The following SATB2 variants were observed in gnomAD, a reference collection of about 807,000 sequenced individuals.
SATB2 encodes SATB homeobox 2, also known as DNA-binding protein SATB2.
A neutral mutation model predicts 73.4 loss-of-function variants in SATB2; 1 was observed. The observed-to-expected ratio is 0.01, with a 90% confidence interval of 0.00 to 0.06. The LOEUF (loss-of-function observed/expected upper bound fraction) is 0.06. Among genes scored for constraint, SATB2 ranks in the 10% least tolerant of loss-of-function variants. SATB2 has a pLI of 1.00. For synonymous variants in SATB2, 397 were observed against 367.0 expected (o/e 1.08, Z -0.93); for missense variants, 459 against 945.8 (o/e 0.49, Z 6.75).
chr2:199,429,748 A>G (rs945660553), intron 3 of SATB2, among the ~76,000 whole-genome samples: 1 of 152,070 alleles, frequency 6.6e-6, no homozygotes, highest in African/African-American at 2.4e-5. Context: ...CATCTTTACT[A>G]AAAATACAAA....
chr2:199,458,608 G>A (rs745923397), upstream of SATB2: 24 of 433,944 alleles, frequency 5.5e-5, no homozygotes, highest in Admixed American at 9.8e-5. Flanking sequence ...GGAGGCGGCG[G>A]CGACAAGGCA....
chr2:199,366,468 G>A (rs959693475), intron 6 of SATB2, among the ~76,000 whole-genome samples: 1 of 151,914 alleles, frequency 6.6e-6, no homozygotes, highest in Non-Finnish European at 1.5e-5. Flanking sequence ...TTAATAAAAC[G>A]CACTTCTCTG....
intron 7 of SATB2, among the ~76,000 whole-genome samples, chr2:199,340,357 T>G (rs1444105618): frequency 6.6e-6 from 1 of 152,214 alleles, no homozygotes; most frequent in Non-Finnish European, 1.5e-5. Flanking sequence ...ATGCACAGCT[T>G]TCCCAAGCAA....
upstream of SATB2, among the ~76,000 whole-genome samples, chr2:199,461,977 T>A (rs76716875): frequency 6.6e-6 from 1 of 152,274 alleles, no homozygotes; most frequent in Non-Finnish European, 1.5e-5. Context: ...CCTGGGCGCC[T>A]GGGTGGAGGG....
At chr2:199,440,470 T>G (rs1443231448) in intron 2 of SATB2, among the ~76,000 whole-genome samples, 1 of 152,218 alleles carries the variant, frequency 6.6e-6, no homozygotes, top group African/African-American at 2.4e-5. Context: ...ATATTTTATT[T>G]CAAATAAATT....
chr2:199,290,616 T>C (rs779406990), intron 10 of SATB2, among the ~76,000 whole-genome samples: 4 of 152,220 alleles, frequency 2.6e-5, no homozygotes, highest in Non-Finnish European at 4.4e-5. Flanking sequence ...ACACTTTGTA[T>C]ACAGGTTAAT....
intron 10 of SATB2, among the ~76,000 whole-genome samples, chr2:199,288,155 GT>G (rs1692741408): frequency 6.6e-6 from 1 of 152,272 alleles, no homozygotes; most frequent in Non-Finnish European, 1.5e-5. Flanking sequence ...TTATGGGGAA[GT>G]TTCTCTCCCA....
At chr2:199,427,585 T>C (rs1691374193) in intron 3 of SATB2, among the ~76,000 whole-genome samples, 1 of 152,122 alleles carries the variant, frequency 6.6e-6, no homozygotes, top group Non-Finnish European at 1.5e-5. Context: ...ATCTAAGATA[T>C]ACTTTGAAAT....
At chr2:199,369,497 T>C (rs1689381225) in intron 5 of SATB2, among the ~76,000 whole-genome samples, 1 of 152,138 alleles carries the variant, frequency 6.6e-6, no homozygotes, top group Non-Finnish European at 1.5e-5. Flanking sequence ...TACAGTATGT[T>C]TGGGCCAACA....
At chr2:199,394,977 T>C (rs1690255149) in intron 3 of SATB2, among the ~76,000 whole-genome samples, 1 of 152,198 alleles carries the variant, frequency 6.6e-6, no homozygotes, top group South Asian at 2.1e-4. Context: ...CATTTCATGT[T>C]GTTTTATTTT....
chr2:199,459,089 C>A (rs1692396960), upstream of SATB2, among the ~76,000 whole-genome samples: 1 of 152,072 alleles, frequency 6.6e-6, no homozygotes, highest in African/African-American at 2.4e-5. This position sits in a 1 kb window ranked among gnomAD's most constrained non-coding sequence, Gnocchi z 4.2. Context: ...GCGGTGCAAA[C>A]CGGGCCGCCT....
At chr2:199,297,191 G>A (rs934374231) in intron 10 of SATB2, among the ~76,000 whole-genome samples, 1 of 152,168 alleles carries the variant, frequency 6.6e-6, no homozygotes, top group Non-Finnish European at 1.5e-5. Flanking sequence ...GCCATGACTT[G>A]TTACGTATTT....
Position 199,464,284 on chromosome 2 carries a change from A to C in SATB2, c.-141+552T>G, listed in dbSNP as rs1692545988. ...GCCCTACAGCCAAGCCCAGAGGAACAGGGCATCGCCTCGCGCGGTCCCGGA... is the reference window on the plus strand; with the variant it reads ...GCCCTACAGCCAAGCCCAGAGGAACCGGGCATCGCCTCGCGCGGTCCCGGA... On this transcript the variant is annotated intron_variant, in intron 1 of 11. Transcript: ENST00000260926. The surrounding 1 kb of genome is among the most constrained non-coding windows in gnomAD (Gnocchi z 6.6). Among the ~76,000 whole-genome samples, 5 of 152,072 alleles carry C rather than the reference A, an allele frequency of 3.3e-5. No homozygotes were observed. Among genetic ancestry groups the C allele is most frequent in the Admixed American group, 2.6e-4 (4 of 15,276 alleles).
chr2:199,421,324 GAAAC>G (rs1465022864), intron 3 of SATB2, among the ~76,000 whole-genome samples: 4 of 152,090 alleles, frequency 2.6e-5, no homozygotes, highest in Admixed American at 1.3e-4. Flanking sequence ...AGGTCCCATA[GAAAC>G]AAACAAACAA....
intron 7 of SATB2, among the ~76,000 whole-genome samples, chr2:199,342,224 T>C (rs1688526983): frequency 6.6e-6 from 1 of 152,094 alleles, no homozygotes; most frequent in African/African-American, 2.4e-5. Flanking sequence ...TGCCTGAGGC[T>C]CCTCCAGTGT....
chr2:199,371,655 G>T (rs926226388), intron 5 of SATB2, among the ~76,000 whole-genome samples: 2 of 152,064 alleles, frequency 1.3e-5, no homozygotes, highest in Non-Finnish European at 2.9e-5. Context: ...ATATAATTTT[G>T]CAGTTTATGT....
chr2:199,370,049 C>T lies in SATB2; in HGVS notation c.598-1342G>A, dbSNP rs138998492. On this transcript the variant is annotated intron_variant, in intron 5 of 10. Coordinates refer to ENST00000417098, the MANE Select transcript of SATB2 (RefSeq NM_001172509.2). ...GAGCTAATATCATCGGAGTGTATCA[C>T]AGAACCTATGAGGCCTTGTCTCCTG... Among the ~76,000 whole-genome samples the T allele has an allele frequency of 1.1e-3, 169 of 152,262 alleles. 1 individual carries two copies. The highest frequency in any genetic ancestry group is 3.7e-3 in the African/African-American group (152 of 41,540).
intron 3 of SATB2, among the ~76,000 whole-genome samples, chr2:199,389,955 G>C (rs1431441652): frequency 6.6e-6 from 1 of 151,496 alleles, no homozygotes; most frequent in Admixed American, 6.6e-5. Flanking sequence ...TTACAATTTT[G>C]CGGCATAAAG....
At position 199,271,512 on chromosome 2, in the gene SATB2, A is replaced by G. The variant is rs1574457895; in HGVS notation, c.*699T>C. On this transcript the variant is annotated 3_prime_UTR_variant, in exon 11 of 11. Coordinates refer to ENST00000417098, the MANE Select transcript of SATB2 (RefSeq NM_001172509.2). ...CAGTGTCGTTTATTTTGTTAAATAC[A>G]TACCTCAAAAATTACCCATTAAGCT... The G allele has an allele frequency of 6.6e-6, 1 of 151,304 alleles. No individual in the cohort carries two copies. The highest frequency in any genetic ancestry group is 1.9e-4 in the East Asian group (1 of 5,260). 9.4% of individuals were successfully genotyped at this position (151,304 alleles called of 1,614,324 possible). A position where few individuals can be genotyped will look rare whatever the true frequency, so the allele number is the denominator to read the frequency against.
Sources: allele counts gnomAD v4.1 joint callset (sites outside exome capture counted in the v4.1 genomes callset), GRCh38; gene constraint gnomAD v4.1.1; non-coding constraint Gnocchi (gnomAD v3.1); transcripts MANE v1.5; gene names NCBI Gene and HGNC (gene_info 2026-07-23, HGNC 2026-07-21).